Variants in KCTD8 observed in about 807,000 individuals in gnomAD.
The protein encoded by KCTD8 is potassium channel tetramerization domain containing 8, also known as BTB/POZ domain-containing protein KCTD8.
A neutral mutation model predicts 31.5 loss-of-function variants in KCTD8; 27 were observed. The observed-to-expected ratio is 0.86, with a 90% CI of 0.63 to 1.18. KCTD8 has a LOEUF of 1.18. Ranked by LOEUF, KCTD8 falls within the 50% of genes most tolerant of loss-of-function variation. The pLI is 0.00. For missense variants in KCTD8, 658 were observed against 647.7 expected, an observed-to-expected ratio of 1.02 and a Z score of -0.17; for synonymous variants, 290 against 280.0, an observed-to-expected ratio of 1.04 and a Z score of -0.36.
chr4:44,250,970 A>T (rs1229955897), intron 1 of KCTD8, among the ~76,000 whole-genome samples: 2 of 151,686 alleles, frequency 1.3e-5, no homozygotes, highest in Non-Finnish European at 3.0e-5. Flanking sequence ...GTTTTTAAAT[A>T]GTTATTTAAG....
chr4:44,341,712 T>C (rs1718902141), intron 1 of KCTD8, among the ~76,000 whole-genome samples: 1 of 152,198 alleles, frequency 6.6e-6, no homozygotes. Context: ...ACTCTATCTG[T>C]AGTTACTTCC....
chr4:44,386,036 TA>T (rs150209087), intron 1 of KCTD8, among the ~76,000 whole-genome samples: 3 of 149,760 alleles, frequency 2.0e-5, no homozygotes, highest in African/African-American at 7.3e-5. Context: ...AGTTACTACT[TA>T]AAAAAAAACG....
intron 1 of KCTD8, among the ~76,000 whole-genome samples, chr4:44,260,254 T>G (rs1716121725): frequency 1.3e-5 from 2 of 151,692 alleles, no homozygotes; most frequent in Admixed American, 1.3e-4. Context: ...TATTCTAGGA[T>G]AGGAAAGGAG....
chr4:44,434,918 T>A (rs1291226488), intron 1 of KCTD8, among the ~76,000 whole-genome samples: 1 of 151,916 alleles, frequency 6.6e-6, no homozygotes, highest in Non-Finnish European at 1.5e-5. Flanking sequence ...TTTGTGGGAT[T>A]ATTTATTACA....
intron 1 of KCTD8, among the ~76,000 whole-genome samples, chr4:44,229,118 T>C (rs991460021): frequency 6.6e-6 from 1 of 152,148 alleles, no homozygotes; most frequent in Non-Finnish European, 1.5e-5. Flanking sequence ...TGGATTATTA[T>C]CATGATTGAA....
chr4:44,238,193 T>TC (rs775735826), intron 1 of KCTD8, among the ~76,000 whole-genome samples: 17 of 151,752 alleles, frequency 1.1e-4, no homozygotes, highest in Non-Finnish European at 2.1e-4. Flanking sequence ...TGCAAAGTTC[T>TC]CCCCGCCCTA....
chr4:44,414,838 A>G (rs1473357519), intron 1 of KCTD8, among the ~76,000 whole-genome samples: 2 of 152,134 alleles, frequency 1.3e-5, no homozygotes, highest in African/African-American at 4.8e-5. Flanking sequence ...CCTTGGTAGC[A>G]CTAACTTGGT....
intron 1 of KCTD8, among the ~76,000 whole-genome samples, chr4:44,439,932 A>ATTTT (rs1379946632): frequency 1.8e-4 from 27 of 150,124 alleles, no homozygotes; most frequent in Non-Finnish European, 7.4e-5. Context: ...TTATTTATTT[A>ATTTT]TTTATTTATT....
At chr4:44,219,338 T>A (rs892383714) in intron 1 of KCTD8, among the ~76,000 whole-genome samples, 1 of 152,252 alleles carries the variant, frequency 6.6e-6, no homozygotes, top group Non-Finnish European at 1.5e-5. Context: ...CTTAACTTCC[T>A]GTACCTGACA....
rs1248707692 is a variant in KCTD8, at chr4:44,281,940, T to C, written c.962-106690A>G. The stretch of plus-strand genomic sequence containing the variant: ...GGACTCTATTTCATTCCCAAAATGA[T>C]GACCTAAATGAGTGGCCCTGAGGAT... On this transcript the variant is annotated intron_variant, in intron 1 of 1. Coordinates refer to ENST00000360029, the MANE Select transcript of KCTD8 (RefSeq NM_198353.3). 2.0e-5 allele frequency among the ~76,000 whole-genome samples: 3 copies of C among 152,146 alleles called. No individual in the cohort carries two copies. The East Asian group carries it at 5.8e-4, about 29-fold the overall frequency.
intron 1 of KCTD8, among the ~76,000 whole-genome samples, chr4:44,437,266 T>C (rs16856939): frequency 0.11 from 17,452 of 152,066 alleles, 2,166 homozygotes; most frequent in African/African-American, 0.29. Context: ...TTGTATCTTA[T>C]GTATCTATTA....
chr4:44,284,625 T>A (rs1284420314), intron 1 of KCTD8, among the ~76,000 whole-genome samples: 1 of 152,034 alleles, frequency 6.6e-6, no homozygotes, highest in Non-Finnish European at 1.5e-5. Context: ...ACAAATGGGA[T>A]CTAATTAAAC....
chr4:44,246,869 C>T (rs1241168229), intron 1 of KCTD8, among the ~76,000 whole-genome samples: 5 of 152,014 alleles, frequency 3.3e-5, no homozygotes, highest in Non-Finnish European at 7.4e-5. Context: ...AAATCTTCTG[C>T]TCTATGTTCT....
In KCTD8 at chr4:44,345,360, T is replaced by C. The variant is rs575626965; in HGVS notation, c.961+102203A>G. Among the ~76,000 whole-genome samples, 136 of 152,066 alleles carry C rather than the reference T, an allele frequency of 8.9e-4. 1 individual carries two copies. The highest frequency in any genetic ancestry group is 3.3e-3 in the African/African-American group (135 of 41,514). On this transcript the variant is annotated intron_variant, in intron 1 of 1. Coordinates refer to ENST00000360029, the MANE Select transcript of KCTD8 (RefSeq NM_198353.3). ...TGTTCTCAAACATGTCCTTGGCAGG[T>C]TGGAATAAACTGCCCCCAAAAATGG...
rs938197458 is a variant in KCTD8 at position 44,175,120 on chromosome 4, T to C, written c.1092A>G (p.Ser364=). The C allele has an allele frequency of 6.2e-7, 1 of 1,614,070 alleles. No individual in the cohort carries two copies. Among genetic ancestry groups the C allele is most frequent in the Non-Finnish European group, 8.5e-7 (1 of 1,179,970 alleles). ...GGTTGTCCTGGGGAGTGCTTGCCTC[T>C]GAATGGCTGTCACAACTGGAAGTGG... ...ELSTSSCDSH[S]EASTPQDNPS... is the part of the protein sequence containing the mutation. Residue 364 remains serine, a synonymous_variant, in exon 2 of 2, where the codon TCA becomes TCG. Transcript: ENST00000360029.
At chr4:44,268,203 G>A (rs926494828) in intron 1 of KCTD8, among the ~76,000 whole-genome samples, 1 of 151,606 alleles carries the variant, frequency 6.6e-6, no homozygotes, top group African/African-American at 2.4e-5. Context: ...CCATAATCAA[G>A]TGGGCTTCAT....
chr4:44,224,413 A>C lies in KCTD8; in HGVS notation c.962-49163T>G, dbSNP rs74831452. Among the ~76,000 whole-genome samples, 1,314 of 152,264 alleles carry C rather than the reference A, an allele frequency of 8.6e-3. 14 individuals are homozygous for C. Among genetic ancestry groups the C allele is most frequent in the Non-Finnish European group, 0.014 (983 of 68,028 alleles). ...AATTTCTCACCTCAATGCCTTATTC[A>C]TTATACAATCTCTATCACTGGGCCC... On this transcript the variant is annotated intron_variant, in intron 1 of 1. Coordinates refer to ENST00000360029, the MANE Select transcript of KCTD8 (RefSeq NM_198353.3).
chr4:44,417,060 G>A (rs1721092137), intron 1 of KCTD8, among the ~76,000 whole-genome samples: 1 of 152,140 alleles, frequency 6.6e-6, no homozygotes, highest in South Asian at 2.1e-4. Flanking sequence ...CAGCAGTTAA[G>A]TAACTTGTTC....
chr4:44,357,827 A>G (rs1378920303), intron 1 of KCTD8, among the ~76,000 whole-genome samples: 2 of 151,916 alleles, frequency 1.3e-5, no homozygotes, highest in Non-Finnish European at 2.9e-5. Flanking sequence ...AAAAGGAAAC[A>G]TGAACATTAA....
Sources: allele counts gnomAD v4.1 joint callset (sites outside exome capture counted in the v4.1 genomes callset), GRCh38; gene constraint gnomAD v4.1.1; transcripts MANE v1.5; gene names NCBI Gene and HGNC (gene_info 2026-07-23, HGNC 2026-07-21).